PLA2G4C: variants seen among roughly 807,000 people sequenced by gnomAD.
PLA2G4C encodes the protein phospholipase A2 group IVC.
PLA2G4C carries 64 observed loss-of-function variants against 73.8 expected under a neutral mutation model. That is an observed-to-expected ratio of 0.87 (90% CI 0.71 to 1.07). PLA2G4C has a LOEUF of 1.07. Among genes scored for constraint, PLA2G4C ranks in the 50% least tolerant of loss-of-function variants. PLA2G4C has a pLI of 0.00. For missense variants in PLA2G4C, 622 were observed against 665.4 expected (o/e 0.93, Z 0.72); for synonymous variants, 254 against 252.1 (o/e 1.01, Z -0.07).
intron 7 of PLA2G4C, among the ~76,000 whole-genome samples, chr19:48,093,669 C>T (rs1240426556): frequency 2.0e-5 from 3 of 152,164 alleles, no homozygotes; most frequent in Admixed American, 6.6e-5. Flanking sequence ...CCTCACTGGT[C>T]TTCTCATTGG....
intron 14 of PLA2G4C, among the ~76,000 whole-genome samples, chr19:48,055,394 T>TATATATATTTATATAATTGAA (rs1369318995): frequency 7.8e-6 from 1 of 128,310 alleles, no homozygotes; most frequent in African/African-American, 3.3e-5. Context: ...CTACAGTATA[T>TATATATATTTATATAATTGAA]ATATATATAT....
chr19:48,093,599 T>C (rs2031420489), intron 7 of PLA2G4C, among the ~76,000 whole-genome samples: 1 of 152,204 alleles, frequency 6.6e-6, no homozygotes, highest in East Asian at 1.9e-4. Context: ...GGGTCCCATA[T>C]GATCTGGACC....
intron 12 of PLA2G4C, among the ~76,000 whole-genome samples, chr19:48,069,024 A>G (rs1392925272): frequency 1.4e-5 from 2 of 147,224 alleles, no homozygotes; most frequent in East Asian, 4.1e-4. Context: ...CAGCCTGGGC[A>G]ACATGGTGAA....
chr19:48,065,864 G>A (rs1234780158), intron 13 of PLA2G4C, among the ~76,000 whole-genome samples: 2 of 152,040 alleles, frequency 1.3e-5, no homozygotes, highest in African/African-American at 2.4e-5. Flanking sequence ...GGGAGGCCAA[G>A]GTGGGTAGAT....
intron 16 of PLA2G4C, among the ~76,000 whole-genome samples, chr19:48,051,508 C>T (rs1280417678): frequency 2.6e-5 from 4 of 152,134 alleles, no homozygotes; most frequent in Non-Finnish European, 5.9e-5. Flanking sequence ...CAACCTAATA[C>T]AGTCATGGTG....
chr19:48,054,029 G>C (rs1236251213), intron 15 of PLA2G4C, among the ~76,000 whole-genome samples: 1 of 152,144 alleles, frequency 6.6e-6, no homozygotes, highest in Non-Finnish European at 1.5e-5. Flanking sequence ...AAGACCGAGA[G>C]AGGCAGCCTG....
intron 12 of PLA2G4C, among the ~76,000 whole-genome samples, chr19:48,068,977 C>A (rs1344767822): frequency 6.8e-6 from 1 of 147,974 alleles, no homozygotes; most frequent in African/African-American, 2.5e-5. Context: ...CTGGGAGGCC[C>A]AGGTGGGTGG....
intron 11 of PLA2G4C, among the ~76,000 whole-genome samples, chr19:48,076,829 C>T (rs2030194694): frequency 6.6e-6 from 1 of 152,084 alleles, no homozygotes. Flanking sequence ...AGCCAAGTTG[C>T]CCTGGAGGAA....
chr19:48,085,777 CTGTT>C (rs2030937507), intron 9 of PLA2G4C, among the ~76,000 whole-genome samples: 1 of 152,160 alleles, frequency 6.6e-6, no homozygotes, highest in Non-Finnish European at 1.5e-5. Context: ...TGGGGAAAGA[CTGTT>C]TGCAGGACAC....
intron 4 of PLA2G4C, among the ~76,000 whole-genome samples, chr19:48,102,511 A>AAAAG (rs1271329489): frequency 1.3e-5 from 2 of 152,132 alleles, no homozygotes; most frequent in Non-Finnish European, 2.9e-5. Flanking sequence ...AAAAGAAAAG[A>AAAAG]AAAGAAAGAA....
chr19:48,048,324 C>A lies in PLA2G4C; in HGVS notation c.*19G>T. On this transcript the variant is annotated 3_prime_UTR_variant, in exon 17 of 17. Transcript: ENST00000599921. Reference sequence around the variant, plus strand: ...TAGTAGACCAACAGGCCCACAGTGCCCTGGAAGCTGAGGCTCATCTATGCC... The same window carrying A: ...TAGTAGACCAACAGGCCCACAGTGCACTGGAAGCTGAGGCTCATCTATGCC... 6.3e-7 allele frequency: 1 copy of A among 1,593,906 alleles called. No individual in the cohort carries two copies. The highest frequency in any genetic ancestry group is 1.1e-5 in the South Asian group (1 of 87,854).
At chr19:48,088,595 T>C (rs440652) in intron 9 of PLA2G4C, 91 bp downstream of exon 9, 39,987 of 867,094 alleles carry the variant, frequency 0.046, 2,527 homozygotes, top group African/African-American at 0.25. Context: ...AAATGAATCA[T>C]ACATGTAATG....
chr19:48,068,452 G>T (rs1416517569), intron 12 of PLA2G4C, among the ~76,000 whole-genome samples: 1 of 152,036 alleles, frequency 6.6e-6, no homozygotes, highest in Non-Finnish European at 1.5e-5. Flanking sequence ...GGAAGCCGAG[G>T]TGGGAGGATT....
intron 10 of PLA2G4C, among the ~76,000 whole-genome samples, chr19:48,082,496 C>CTT (rs66641645): frequency 0.043 from 4,532 of 106,106 alleles, 281 homozygotes; most frequent in South Asian, 0.068. Context: ...TTCTTTCTTT[C>CTT]TTTTTTTTTT....
intron 12 of PLA2G4C, among the ~76,000 whole-genome samples, chr19:48,073,875 G>C (rs997025337): frequency 6.6e-6 from 1 of 151,948 alleles, no homozygotes; most frequent in Non-Finnish European, 1.5e-5. Context: ...AGAGGATGAC[G>C]CTAAGCCATT....
At chr19:48,048,949 C>T (rs1198601821) in intron 16 of PLA2G4C, among the ~76,000 whole-genome samples, 1 of 152,090 alleles carries the variant, frequency 6.6e-6, no homozygotes, top group Non-Finnish European at 1.5e-5. Context: ...TGAGTTCTTG[C>T]TCTATTAGTT....
In PLA2G4C at chr19:48,095,568, A is replaced by G. The variant is rs1399385904; in HGVS notation, c.605T>C (p.Phe202Ser). The G allele has an allele frequency of 6.2e-7, 1 of 1,614,102 alleles. No individual in the cohort carries two copies. The highest frequency in any genetic ancestry group is 8.5e-7 in the Non-Finnish European group (1 of 1,179,986). ...WFEFTPHHAG[F>S]SALGAFVSIT... ...GGAAACAAAGGCCCCCAGTGCAGAG[A>G]AGCCAGCGTGGTGAGGGGTGAACTC... is the stretch of plus-strand genomic sequence containing the variant. The change falls in exon 7 of 17, where the codon TTC (phenylalanine) becomes TCC (serine). Residue 202 changes from phenylalanine to serine, a missense_variant. Physicochemically the swap from Phe to Ser is radical, Grantham distance 155 (BLOSUM62 -2). Coordinates refer to ENST00000599921, the MANE Select transcript of PLA2G4C (RefSeq NM_003706.3).
chr19:48,074,942 G>C, intron 11 of PLA2G4C, 68 bp from the exon 12 acceptor site: 7 of 1,004,240 alleles, frequency 7.0e-6, no homozygotes, highest in Non-Finnish European at 1.0e-5. Context: ...CACAGACCCT[G>C]CTCTGCCTCA....
chr19:48,084,630 G>A (rs754949993), intron 10 of PLA2G4C, among the ~76,000 whole-genome samples: 5 of 152,334 alleles, frequency 3.3e-5, no homozygotes, highest in Non-Finnish European at 1.5e-5. Context: ...CAAGTGTTGC[G>A]ATTACGGGTG....
Sources: gnomAD v4.1 joint callset for allele counts (sites outside exome capture counted in the v4.1 genomes callset) on GRCh38, gnomAD v4.1.1 for gene constraint, MANE v1.5 for transcripts, NCBI Gene and HGNC (gene_info 2026-07-23, HGNC 2026-07-21) for gene names.